Variants in NELL2 observed in about 807,000 individuals in gnomAD.
NELL2 encodes neural EGFL like 2.
Under a neutral mutation model 109.6 loss-of-function variants are expected in NELL2, and 41 were observed. The ratio of observed to expected loss-of-function variants is 0.37; its 90% CI spans 0.29 to 0.49. The LOEUF is 0.49. Ranked by LOEUF, NELL2 falls within the 20% of genes least tolerant of loss-of-function variation. The pLI, the probability that NELL2 is intolerant of heterozygous loss-of-function variation, is 0.98. For missense variants in NELL2, 900 were observed against 1,008.3 expected (o/e 0.89, Z 1.45); for synonymous variants, 355 against 344.7 (o/e 1.03, Z -0.33).
At chr12:44,530,360 GA>G (rs1184621786) in intron 16 of NELL2, among the ~76,000 whole-genome samples, 2 of 152,178 alleles carry the variant, frequency 1.3e-5, no homozygotes, top group Admixed American at 1.3e-4. Flanking sequence ...AAAGTCTGAG[GA>G]GACTTAAGAA....
At chr12:44,578,524 A>G (rs1944198159) in intron 15 of NELL2, among the ~76,000 whole-genome samples, 1 of 152,144 alleles carries the variant, frequency 6.6e-6, no homozygotes, top group Non-Finnish European at 1.5e-5. Flanking sequence ...AAATTGTATG[A>G]AGGCTGTTCC....
intron 3 of NELL2, among the ~76,000 whole-genome samples, chr12:44,797,883 T>A (rs973540682): frequency 1.1e-5 from 1 of 94,040 alleles, no homozygotes; most frequent in Non-Finnish European, 2.7e-5. Context: ...GATGGAATGA[T>A]GGAATAAAAC....
chr12:44,603,061 T>A lies in NELL2; in HGVS notation c.1663+4108A>T, dbSNP rs535910405. 2.0e-5 allele frequency among the ~76,000 whole-genome samples: 3 copies of A among 152,276 alleles called. No homozygotes were observed. The South Asian group carries it at 6.2e-4, about 32-fold the overall frequency. On this transcript the variant is annotated intron_variant, in intron 15 of 19. Coordinates refer to ENST00000429094, the MANE Select transcript of NELL2 (RefSeq NM_001145108.2). ...CTCATGTAGGCCTCATGCTTCATTTTTGTCATTTTGAAACAACACATATTA... is the reference window on the plus strand; with the variant it reads ...CTCATGTAGGCCTCATGCTTCATTTATGTCATTTTGAAACAACACATATTA...
intron 1 of NELL2, among the ~76,000 whole-genome samples, chr12:44,887,656 G>GT (rs763614367): frequency 7.3e-5 from 11 of 150,516 alleles, no homozygotes; most frequent in East Asian, 3.9e-4. Flanking sequence ...GTGTGTGTGT[G>GT]TGTTGTTGTT....
chr12:44,562,043 T>C (rs7964288), intron 15 of NELL2, among the ~76,000 whole-genome samples: 15,232 of 151,852 alleles, frequency 0.1, 2,588 homozygotes, highest in African/African-American at 0.35. Context: ...ATTGACAAAC[T>C]TGACAAAAAC....
intron 15 of NELL2, among the ~76,000 whole-genome samples, chr12:44,583,408 C>T (rs999477693): frequency 6.6e-6 from 1 of 152,066 alleles, no homozygotes; most frequent in Non-Finnish European, 1.5e-5. Flanking sequence ...CCCGCCAACA[C>T]CAGAAAGTAA....
intron 11 of NELL2, among the ~76,000 whole-genome samples, chr12:44,707,652 C>G (rs1937959093): frequency 6.6e-6 from 1 of 151,926 alleles, no homozygotes; most frequent in Non-Finnish European, 1.5e-5. Flanking sequence ...CGTGGATGAA[C>G]ATAAAAAAAT....
chr12:44,865,082 T>C lies in NELL2; in HGVS notation c.184+10143A>G, dbSNP rs570453451. On this transcript the variant is annotated intron_variant, in intron 2 of 19. Coordinates refer to ENST00000429094, the MANE Select transcript of NELL2 (RefSeq NM_001145108.2). ...CCATTCTAACTGGTGTGAGATGATA[T>C]CTCATAGTGGTTTTGATTTGCATTT... Among the ~76,000 whole-genome samples the C allele has an allele frequency of 4.0e-4, 53 of 133,762 alleles. 1 individual carries two copies. The highest frequency in any genetic ancestry group is 1.4e-3 in the African/African-American group (48 of 35,068). 87.8% of individuals were successfully genotyped at this position (133,762 alleles called of 152,430 possible).
chr12:44,865,917 T>C (rs568038113), intron 2 of NELL2, among the ~76,000 whole-genome samples: 1 of 152,276 alleles, frequency 6.6e-6, no homozygotes, highest in East Asian at 1.9e-4. Flanking sequence ...TTTAAGTGTA[T>C]ACGTCTTTCC....
intron 9 of NELL2, among the ~76,000 whole-genome samples, chr12:44,758,546 AG>A (rs1940989211): frequency 1.3e-5 from 2 of 152,224 alleles, no homozygotes; most frequent in African/African-American, 4.8e-5. Flanking sequence ...TCCATGAAAG[AG>A]GGGTCAAAAT....
intron 18 of NELL2, among the ~76,000 whole-genome samples, chr12:44,521,461 C>A (rs924006885): frequency 6.7e-6 from 1 of 148,606 alleles, no homozygotes; most frequent in African/African-American, 2.5e-5. Context: ...ACCCGGGAGG[C>A]GGAGCTTGCA....
At chr12:44,545,040 A>G (rs1401340918) in intron 15 of NELL2, among the ~76,000 whole-genome samples, 1 of 152,088 alleles carries the variant, frequency 6.6e-6, no homozygotes, top group Non-Finnish European at 1.5e-5. Context: ...AAAGAAAAAA[A>G]GAGTGTCAAA....
In NELL2 at chr12:44,808,413, A is replaced by G. The variant is rs545152642; in HGVS notation, c.335+7573T>C. Among the ~76,000 whole-genome samples the G allele has an allele frequency of 7.2e-5, 11 of 152,170 alleles. No individual in the cohort carries two copies. In the East Asian group the frequency reaches 1.9e-3, roughly 27 times the overall value. On this transcript the variant is annotated intron_variant, in intron 3 of 19. Transcript: ENST00000429094. ...TGTATGCTTGGCTACATTAGAATAT[A>G]TATTGTAACTTTCCTAATAATAAGG...
intron 15 of NELL2, among the ~76,000 whole-genome samples, chr12:44,538,415 A>G (rs1166829383): frequency 2.6e-5 from 4 of 152,214 alleles, no homozygotes; most frequent in African/African-American, 4.8e-5. Flanking sequence ...CCCATCTCCA[A>G]AATAATCCTT....
At chr12:44,818,383 C>G (rs868413645) in intron 2 of NELL2, among the ~76,000 whole-genome samples, 23 of 152,186 alleles carry the variant, frequency 1.5e-4, no homozygotes, top group Admixed American at 4.6e-4. Context: ...AGAACTTCAG[C>G]AGCATCCTTT....
At chr12:44,744,516 G>C (rs1026101957) in intron 9 of NELL2, among the ~76,000 whole-genome samples, 1 of 152,210 alleles carries the variant, frequency 6.6e-6, no homozygotes, top group East Asian at 1.9e-4. Flanking sequence ...CCAGGAGCTG[G>C]TTTTTTGAAA....
intron 15 of NELL2, among the ~76,000 whole-genome samples, chr12:44,574,666 A>T (rs1321207747): frequency 1.3e-5 from 2 of 152,192 alleles, no homozygotes; most frequent in Admixed American, 6.5e-5. Flanking sequence ...TTATAGCAAT[A>T]TTACAAATTT....
intron 5 of NELL2, among the ~76,000 whole-genome samples, chr12:44,777,893 T>A (rs531303811): frequency 6.6e-6 from 1 of 152,330 alleles, no homozygotes; most frequent in East Asian, 1.9e-4. Flanking sequence ...GAAAATTTTT[T>A]AAATGTCAGC....
intron 12 of NELL2, among the ~76,000 whole-genome samples, chr12:44,680,778 T>G (rs190318308): frequency 1.3e-5 from 2 of 152,172 alleles, no homozygotes; most frequent in Non-Finnish European, 2.9e-5. Context: ...TCACATTCAT[T>G]TAACTTGTAC....
Sources: allele counts gnomAD v4.1 joint callset (sites outside exome capture counted in the v4.1 genomes callset), GRCh38; gene constraint gnomAD v4.1.1; transcripts MANE v1.5; gene names NCBI Gene and HGNC (gene_info 2026-07-23, HGNC 2026-07-21).